The following SNTG2 variants were observed in gnomAD, a reference collection of about 807,000 sequenced individuals.
SNTG2 encodes the protein gamma-2-syntrophin.
SNTG2 carries 74 observed loss-of-function variants against 70.9 expected under a neutral mutation model. The observed-to-expected ratio is 1.04, with a 90% CI of 0.86 to 1.27. The LOEUF is 1.27. Among genes scored for constraint, SNTG2 ranks in the 50% most tolerant of loss-of-function variants. The pLI, the probability that SNTG2 is intolerant of heterozygous loss-of-function variation, is 0.00. For missense variants in SNTG2, 717 were observed against 690.7 expected (o/e 1.04, Z -0.43); for synonymous variants, 278 against 273.8 (o/e 1.02, Z -0.15).
chr2:1,003,046 G>C (rs1659456474), intron 1 of SNTG2, among the ~76,000 whole-genome samples: 1 of 152,084 alleles, frequency 6.6e-6, no homozygotes, highest in African/African-American at 2.4e-5. Context: ...AGTGAGAGCT[G>C]AATAAAGTGT....
intron 1 of SNTG2, among the ~76,000 whole-genome samples, chr2:975,597 T>A (rs1054393565): frequency 6.6e-6 from 1 of 152,178 alleles, no homozygotes; most frequent in Non-Finnish European, 1.5e-5. Flanking sequence ...CAGAACCCTC[T>A]ACATACCTAC....
rs543959307 is a variant in SNTG2, at chr2:1,308,061, A to C, written c.1285-433A>C. Reference sequence around the variant, plus strand: ...ACTGCTCTTCAGAATTTTCTCAGGAAAGTGCCGCTTCCAGCTTCTGCCGGA... The same window carrying C: ...ACTGCTCTTCAGAATTTTCTCAGGACAGTGCCGCTTCCAGCTTCTGCCGGA... On this transcript the variant is annotated intron_variant, in intron 14 of 16. Coordinates refer to ENST00000308624, the MANE Select transcript of SNTG2 (RefSeq NM_018968.4). 3.3e-5 allele frequency among the ~76,000 whole-genome samples: 5 copies of C among 152,300 alleles called. No individual in the cohort carries two copies. In the East Asian group the frequency reaches 9.7e-4, roughly 29 times the overall value.
At chr2:1,228,933 C>T (rs1312006331) in intron 9 of SNTG2, among the ~76,000 whole-genome samples, 1 of 151,858 alleles carries the variant, frequency 6.6e-6, no homozygotes, top group East Asian at 1.9e-4. Context: ...CAGACCTTCG[C>T]GGTGAGTGTT....
rs1671241204 is a variant in SNTG2, at chr2:1,173,156, G to A, written c.564G>A (p.Leu188=). 5 of 1,613,998 alleles carry A rather than the reference G, an allele frequency of 3.1e-6. No homozygotes were observed. Among genetic ancestry groups the A allele is most frequent in the African/African-American group, 2.7e-5 (2 of 75,048 alleles). The change falls in exon 8 of 17, where the codon TTG becomes TTA. Residue 188 remains leucine (L), a synonymous_variant. Coordinates refer to ENST00000308624, the MANE Select transcript of SNTG2 (RefSeq NM_018968.4). ...CCTCTCCCCTCTTTGACAGCGGTTT[G>A]CATCTGAACGGAAACTCCAGTACCA... ...GASSPLFDSG[L]HLNGNSSTTA...
chr2:957,257 T>C (rs1193660291), intron 1 of SNTG2, among the ~76,000 whole-genome samples: 2 of 114,334 alleles, frequency 1.7e-5, no homozygotes, highest in Non-Finnish European at 3.4e-5. Flanking sequence ...TGCAGCAAGG[T>C]AGATAGAGAA....
intron 14 of SNTG2, among the ~76,000 whole-genome samples, chr2:1,294,387 T>C (rs1016408315): frequency 2.6e-5 from 4 of 152,388 alleles, no homozygotes; most frequent in East Asian, 3.9e-4. Context: ...CTAAACATGG[T>C]ACATTTTATG....
At chr2:1,200,772 C>T (rs1417397026) in intron 8 of SNTG2, among the ~76,000 whole-genome samples, 1 of 151,682 alleles carries the variant, frequency 6.6e-6, no homozygotes, top group Non-Finnish European at 1.5e-5. Flanking sequence ...AAATGGCCAA[C>T]GAACAGATAT....
At chr2:1,253,352 T>G (rs1055882595) in intron 12 of SNTG2, among the ~76,000 whole-genome samples, 2 of 131,130 alleles carry the variant, frequency 1.5e-5, no homozygotes, top group Non-Finnish European at 3.1e-5. Flanking sequence ...GGGCCATCCG[T>G]GTAAATGTCC....
chr2:1,329,143 T>G (rs1040997681), intron 16 of SNTG2, among the ~76,000 whole-genome samples: 1 of 152,210 alleles, frequency 6.6e-6, no homozygotes, highest in African/African-American at 2.4e-5. Context: ...TGGGACATAT[T>G]TGTTTATTAG....
At chr2:1,031,528 A>ATATATATATATATATATATATT in intron 1 of SNTG2, among the ~76,000 whole-genome samples, 6 of 59,122 alleles carry the variant, frequency 1.0e-4, no homozygotes, top group African/African-American at 5.0e-4. Context: ...ATATATATAT[A>ATATATATATATATATATATATT]TTTTTTTTTT....
chr2:1,164,448 G>T (rs1158783298), intron 6 of SNTG2, among the ~76,000 whole-genome samples: 2 of 117,330 alleles, frequency 1.7e-5, no homozygotes, highest in Admixed American at 8.3e-5. Context: ...CCCAAACTGT[G>T]GGCAGTCTCT....
chr2:1,266,999 G>A (rs1049727026), intron 13 of SNTG2, among the ~76,000 whole-genome samples: 1 of 151,966 alleles, frequency 6.6e-6, no homozygotes, highest in African/African-American at 2.4e-5. Flanking sequence ...TCAGACTCCT[G>A]GGCTCAAGCA....
intron 14 of SNTG2, among the ~76,000 whole-genome samples, chr2:1,294,556 G>T (rs1680121887): frequency 6.6e-6 from 1 of 152,102 alleles, no homozygotes; most frequent in Admixed American, 6.6e-5. Flanking sequence ...AGTAGAAACT[G>T]GTTAAGATTA....
intron 4 of SNTG2, among the ~76,000 whole-genome samples, chr2:1,126,761 TTTC>T (rs1034642393): frequency 6.6e-6 from 1 of 152,214 alleles, no homozygotes; most frequent in Non-Finnish European, 1.5e-5. Flanking sequence ...TTTAGTCATT[TTTC>T]TTCTTTTGAG....
chr2:1,352,781 G>C (rs1660652968), intron 16 of SNTG2, among the ~76,000 whole-genome samples: 1 of 152,108 alleles, frequency 6.6e-6, no homozygotes, highest in African/African-American at 2.4e-5. Flanking sequence ...TTAAATCTCT[G>C]TTTTCTCATT....
chr2:1,351,554 A>G (rs1660581405), intron 16 of SNTG2, among the ~76,000 whole-genome samples: 1 of 152,140 alleles, frequency 6.6e-6, no homozygotes, highest in African/African-American at 2.4e-5. Context: ...GGTAGAAGAA[A>G]GAGGGCACTT....
At chr2:1,083,707 G>A in intron 2 of SNTG2, 52 bp downstream of exon 2, 2 of 1,602,408 alleles carry the variant, frequency 1.2e-6, no homozygotes, top group Non-Finnish European at 1.7e-6. Context: ...CGAGCCCCAT[G>A]AACGGTCTTT....
At chr2:1,002,873 TAAAG>T (rs1659445547) in intron 1 of SNTG2, among the ~76,000 whole-genome samples, 1 of 151,102 alleles carries the variant, frequency 6.6e-6, no homozygotes, top group Non-Finnish European at 1.5e-5. Context: ...AATGACTAGG[TAAAG>T]AAAATGTTAT....
intron 6 of SNTG2, chr2:1,161,470 T>G (rs1670272561): frequency 6.6e-6 from 1 of 152,218 alleles, no homozygotes; most frequent in Admixed American, 6.5e-5. Flanking sequence ...TGCTGTGGGC[T>G]GAAGGAGGCT....
Sources: allele counts gnomAD v4.1 joint callset (sites outside exome capture counted in the v4.1 genomes callset), GRCh38; gene constraint gnomAD v4.1.1; transcripts MANE v1.5; gene names NCBI Gene and HGNC (gene_info 2026-07-23, HGNC 2026-07-21).